Variants in LRP1B observed in about 807,000 individuals in gnomAD.
The protein encoded by LRP1B is low-density lipoprotein receptor-related protein 1B.
In LRP1B, 217 loss-of-function variants were observed where a neutral mutation model predicts 556.6. That is an observed-to-expected ratio of 0.39 (90% confidence interval 0.35 to 0.44). The LOEUF is 0.44. Ranked by LOEUF, LRP1B falls within the 20% of genes least tolerant of loss-of-function variation. The pLI is 1.00. For missense variants in LRP1B, 5,053 were observed against 5,620.8 expected (o/e 0.90, Z 3.23); for synonymous variants, 2,047 against 1,865.8 (o/e 1.10, Z -2.50).
At chr2:140,351,995 A>C (rs1200837827) in intron 76 of LRP1B, among the ~76,000 whole-genome samples, 1 of 152,108 alleles carries the variant, frequency 6.6e-6, no homozygotes, top group Non-Finnish European at 1.5e-5. Context: ...GCTATAGCCC[A>C]CAGTTGATCC....
At chr2:142,040,426 C>T (rs1322579225) in intron 1 of LRP1B, among the ~76,000 whole-genome samples, 1 of 151,330 alleles carries the variant, frequency 6.6e-6, no homozygotes, top group Non-Finnish European at 1.5e-5. Context: ...GAACTCTGAG[C>T]TCTCATACAA....
At chr2:141,813,311 C>T (rs548691869) in intron 1 of LRP1B, among the ~76,000 whole-genome samples, 19 of 152,034 alleles carry the variant, frequency 1.2e-4, no homozygotes, top group Middle Eastern at 3.4e-3. Flanking sequence ...TGGGGACTGA[C>T]GGTTAGAGTA....
intron 11 of LRP1B, among the ~76,000 whole-genome samples, chr2:141,025,758 G>C (rs974586355): frequency 3.3e-5 from 5 of 151,980 alleles, no homozygotes; most frequent in Admixed American, 6.6e-5. Flanking sequence ...TATACATTCT[G>C]TTTGTTCTGT....
chr2:141,462,909 T>C (rs895230823), intron 3 of LRP1B, among the ~76,000 whole-genome samples: 1 of 152,108 alleles, frequency 6.6e-6, no homozygotes, highest in Admixed American at 6.5e-5. Context: ...TCATAAACAA[T>C]AGCAATTCAC....
intron 3 of LRP1B, among the ~76,000 whole-genome samples, chr2:141,478,028 T>C (rs1288565210): frequency 6.6e-6 from 1 of 151,840 alleles, no homozygotes; most frequent in African/African-American, 2.4e-5. Flanking sequence ...ATAACTGAAT[T>C]AGAACAGAAA....
intron 2 of LRP1B, among the ~76,000 whole-genome samples, chr2:141,681,750 G>T (rs536514080): frequency 6.6e-6 from 1 of 152,122 alleles, no homozygotes; most frequent in South Asian, 2.1e-4. Flanking sequence ...ACTATCTATC[G>T]TGGGCAAGTC....
Position 140,244,710 on chromosome 2 carries a change from G to A in LRP1B, c.13324+2376C>T, listed in dbSNP as rs547461130. On this transcript the variant is annotated intron_variant, in intron 87 of 90. Transcript: ENST00000389484. ...ACCACTATTCAGAGATGATTATGAA[G>A]GCCATGTACAAATCAGAAAAGTAAA... is the stretch of plus-strand genomic sequence containing the variant. Among the ~76,000 whole-genome samples, 365 of 151,338 alleles carry A rather than the reference G, an allele frequency of 2.4e-3. 4 individuals are homozygous for A. Among genetic ancestry groups the A allele is most frequent in the Middle Eastern group, 6.8e-3 (2 of 294 alleles).
chr2:142,025,123 A>G (rs975438996), intron 1 of LRP1B, among the ~76,000 whole-genome samples: 8 of 152,114 alleles, frequency 5.3e-5, no homozygotes, highest in Non-Finnish European at 1.2e-4. Flanking sequence ...ACTGGGTACC[A>G]TGATTATCTT....
chr2:140,355,132 G>A (rs1232366932), intron 75 of LRP1B, among the ~76,000 whole-genome samples: 4 of 151,692 alleles, frequency 2.6e-5, no homozygotes, highest in African/African-American at 9.7e-5. Flanking sequence ...GTAGTGTGCA[G>A]GTTATATTTG....
chr2:140,722,852 G>A (rs1687463015), intron 35 of LRP1B, among the ~76,000 whole-genome samples: 1 of 152,088 alleles, frequency 6.6e-6, no homozygotes, highest in Non-Finnish European at 1.5e-5. Flanking sequence ...AACCATCCTG[G>A]CTAACATGGT....
chr2:141,740,315 C>G (rs1253673934), intron 2 of LRP1B, among the ~76,000 whole-genome samples: 1 of 152,128 alleles, frequency 6.6e-6, no homozygotes, highest in Non-Finnish European at 1.5e-5. Flanking sequence ...TGGTTTTACA[C>G]TTTAGTCTAA....
At chr2:140,601,720 T>C (rs1682680045) in intron 41 of LRP1B, 81 bp from the exon 42 acceptor site, 3 of 828,798 alleles carry the variant, frequency 3.6e-6, no homozygotes, top group African/African-American at 3.4e-5. Flanking sequence ...ATTTAAGACA[T>C]ACATGTATAC....
chr2:140,269,737 C>T (rs1015713781), intron 86 of LRP1B, among the ~76,000 whole-genome samples: 8 of 151,880 alleles, frequency 5.3e-5, no homozygotes, highest in African/African-American at 9.7e-5. Context: ...ATACCCAATA[C>T]GTTTCCTAGG....
At chr2:141,565,827 ATCT>A (rs1686310604) in intron 2 of LRP1B, among the ~76,000 whole-genome samples, 3 of 152,190 alleles carry the variant, frequency 2.0e-5, no homozygotes, top group Non-Finnish European at 2.9e-5. Flanking sequence ...TTCATCTCAC[ATCT>A]TCTTGCTGTG....
Position 140,714,476 on chromosome 2 carries a change from A to G in LRP1B, c.6023+1497T>C, listed in dbSNP as rs193205219. 3.2e-3 allele frequency among the ~76,000 whole-genome samples: 490 copies of G among 152,256 alleles called. 4 individuals carry two copies. Among genetic ancestry groups the G allele is most frequent in the Middle Eastern group, 0.014 (4 of 294 alleles). On this transcript the variant is annotated intron_variant, in intron 37 of 90. Transcript: ENST00000389484. The stretch of plus-strand genomic sequence containing the variant: ...GGTCTACAATGGATTTGAATAAGAA[A>G]TGAAAAGAAAATCCACAGATTGACA...
chr2:140,883,132 A>G (rs1183876380), intron 25 of LRP1B, among the ~76,000 whole-genome samples: 1 of 152,200 alleles, frequency 6.6e-6, no homozygotes, highest in Admixed American at 6.6e-5. Context: ...TGATACACCC[A>G]GAGTATAAGT....
chr2:141,983,232 C>A (rs947211384), intron 1 of LRP1B, among the ~76,000 whole-genome samples: 2 of 152,086 alleles, frequency 1.3e-5, no homozygotes, highest in Non-Finnish European at 2.9e-5. Flanking sequence ...TCTATAGATA[C>A]TTTGTCATTA....
chr2:141,323,921 C>CCACACACACA lies in LRP1B; in HGVS notation c.344-69290_344-69281dup, dbSNP rs57844457. 1.5e-3 allele frequency among the ~76,000 whole-genome samples: 193 copies of CCACACACACA among 129,978 alleles called. 1 individual carries two copies. Among genetic ancestry groups the CCACACACACA allele is most frequent in the African/African-American group, 5.1e-3 (170 of 33,610 alleles). 85.3% of individuals were successfully genotyped at this position (129,978 alleles called of 152,430 possible). On this transcript the variant is annotated intron_variant, in intron 3 of 90. Transcript: ENST00000389484. Reference sequence around the variant, plus strand: ...ACACACACACACCTGAACGAGGAAACCACACACACACACACACATCTGAAC... The same window carrying CCACACACACA: ...ACACACACACACCTGAACGAGGAAACCACACACACACACACACACACACACACATCTGAAC...
chr2:140,976,503 C>CTTTTTTTTTTTTTTTTTTT (rs1216208854), intron 18 of LRP1B, among the ~76,000 whole-genome samples: 1 of 105,356 alleles, frequency 9.5e-6, no homozygotes, highest in Non-Finnish European at 1.9e-5. Flanking sequence ...TTTTTTTTTC[C>CTTTTTTTTTTTTTTTTTTT]TTTTTTTTTT....
Sources: allele counts gnomAD v4.1 joint callset (sites outside exome capture counted in the v4.1 genomes callset), GRCh38; gene constraint gnomAD v4.1.1; transcripts MANE v1.5; gene names NCBI Gene and HGNC (gene_info 2026-07-23, HGNC 2026-07-21).